Variants in DHX57 observed in about 807,000 individuals in gnomAD.
DHX57 encodes the protein putative ATP-dependent RNA helicase DHX57.
In DHX57, 105 loss-of-function variants were observed where a neutral mutation model predicts 156.2. That is an observed-to-expected ratio of 0.67 (90% CI 0.57 to 0.79). DHX57 has a LOEUF of 0.79. Among genes scored for constraint, DHX57 ranks in the 30% least tolerant of loss-of-function variants. The pLI is 0.00. For missense variants in DHX57, 1,847 were observed against 1,661.9 expected, an observed-to-expected ratio of 1.11 and a Z score of -1.94; for synonymous variants, 704 against 595.6, an observed-to-expected ratio of 1.18 and a Z score of -2.65.
In DHX57 at chr2:38,799,201, G is replaced by C. The variant is rs114582859; in HGVS notation, c.4018-759C>G. Among the ~76,000 whole-genome samples the C allele has an allele frequency of 8.2e-3, 1,240 of 150,966 alleles. 14 individuals are homozygous for C. Among genetic ancestry groups the C allele is most frequent in the African/African-American group, 0.029 (1,207 of 41,104 alleles). ...CAATGTGGAGAAACCCCGTCTCTTA[G>C]TACTAAAAGTACAAAATTAGCTGGG... On this transcript the variant is annotated intron_variant, in intron 23 of 23. Coordinates refer to ENST00000457308, the MANE Select transcript of DHX57 (RefSeq NM_198963.3).
At position 38,861,818 on chromosome 2, in the gene DHX57, G is replaced by A. The variant is rs747987837; in HGVS notation, c.592C>T (p.Arg198Cys). The change falls in exon 5 of 24, where the codon CGC becomes TGC. Residue 198 changes from arginine to cysteine, a missense_variant. By Grantham distance (180) the Arg-to-Cys change is radical (BLOSUM62 -3). Coordinates refer to ENST00000457308, the MANE Select transcript of DHX57 (RefSeq NM_198963.3). ...CACATCCTCAGGACCGCTTGACAGCGTTCAGTATTGAAACCATACCTGTCA... is the reference window on the plus strand; with the variant it reads ...CACATCCTCAGGACCGCTTGACAGCATTCAGTATTGAAACCATACCTGTCA... ...KLSRYGFNTE[R>C]CQAVLRMCDG... 31 of 1,608,086 alleles carry A rather than the reference G, an allele frequency of 1.9e-5. No individual in the cohort carries two copies. Among genetic ancestry groups the A allele is most frequent in the South Asian group, 6.7e-5 (6 of 90,190 alleles).
At chr2:38,868,090 T>C (rs1665169377) in intron 2 of DHX57, 92 bp downstream of exon 2, 2 of 1,484,442 alleles carry the variant, frequency 1.3e-6, no homozygotes, top group African/African-American at 2.8e-5. Flanking sequence ...CCAGAATTAC[T>C]CGACTTTTTT....
At chr2:38,869,599 T>A (rs563137715) in intron 1 of DHX57, among the ~76,000 whole-genome samples, 62 of 152,374 alleles carry the variant, frequency 4.1e-4, no homozygotes, top group African/African-American at 1.4e-3. Context: ...CCTAAAGCTG[T>A]ACCTCCCAGA....
chr2:38,859,994 T>C (rs776251581), intron 5 of DHX57, among the ~76,000 whole-genome samples: 1 of 151,844 alleles, frequency 6.6e-6, no homozygotes, highest in East Asian at 1.9e-4. Flanking sequence ...AAAATATATA[T>C]ATTTTCTAGA....
chr2:38,865,582 T>A (rs900013778), intron 2 of DHX57, among the ~76,000 whole-genome samples: 7 of 152,218 alleles, frequency 4.6e-5, no homozygotes, highest in Non-Finnish European at 8.8e-5. Context: ...TTTTGATACA[T>A]GCATACAATG....
At chr2:38,813,619 G>A (rs1360730607) in intron 21 of DHX57, among the ~76,000 whole-genome samples, 11 of 151,634 alleles carry the variant, frequency 7.3e-5, no homozygotes, top group Admixed American at 5.9e-4. Context: ...TGATCCGCCC[G>A]CCTCGGCCTC....
At position 38,868,281 on chromosome 2, in the gene DHX57, C is replaced by A; in HGVS notation, c.125G>T (p.Gly42Val). 1 of 1,613,850 alleles carries A rather than the reference C, an allele frequency of 6.2e-7. No individual in the cohort carries two copies. Among genetic ancestry groups the A allele is most frequent in the Non-Finnish European group, 8.5e-7 (1 of 1,179,916 alleles). The change falls in exon 2 of 24, where the codon GGT (glycine) becomes GTT (valine). Residue 42 changes from glycine to valine, a missense_variant. Coordinates refer to ENST00000457308, the MANE Select transcript of DHX57 (RefSeq NM_198963.3). ...KSHGSGGGGG[G>V]GGGGGGGNRK... ...GTTGCCGCCACCTCCACCACCACCACCACCGCCACCGCCACCACTCCCATG... is the reference window on the plus strand; with the variant it reads ...GTTGCCGCCACCTCCACCACCACCAACACCGCCACCGCCACCACTCCCATG...
At chr2:38,827,648 A>T (rs983772278) in intron 14 of DHX57, among the ~76,000 whole-genome samples, 1 of 150,582 alleles carries the variant, frequency 6.6e-6, no homozygotes, top group Non-Finnish European at 1.5e-5. Flanking sequence ...ATTTTAAGGG[A>T]GTGTTCGTTT....
chr2:38,843,980 T>C (rs1164797096), intron 11 of DHX57, among the ~76,000 whole-genome samples: 1 of 152,240 alleles, frequency 6.6e-6, no homozygotes, highest in East Asian at 1.9e-4. Context: ...ATTCTTGTTT[T>C]ATGTTTCATT....
intron 13 of DHX57, among the ~76,000 whole-genome samples, chr2:38,832,652 T>C (rs1380112824): frequency 2.0e-5 from 3 of 151,424 alleles, no homozygotes; most frequent in Admixed American, 6.6e-5. Context: ...TTCAAGCAAC[T>C]CTCCTGCCTC....
intron 22 of DHX57, 194 bp from the exon 23 acceptor site, chr2:38,803,109 C>T: frequency 1.7e-6 from 1 of 592,676 alleles, no homozygotes; most frequent in Non-Finnish European, 2.9e-6. Context: ...TAATACATAT[C>T]TCACACTTGT....
chr2:38,855,324 G>T, intron 7 of DHX57, 72 bp from the exon 8 acceptor site: 1 of 1,468,204 alleles, frequency 6.8e-7, no homozygotes, highest in Non-Finnish European at 9.5e-7. Context: ...CAATCATATG[G>T]AATGAGAAAA....
rs1277510362 is a variant in DHX57, at chr2:38,818,894, A to T, written c.3454T>A (p.Ser1152Thr). The change falls in exon 19 of 24, where the codon TCT (serine) becomes ACT (threonine). Residue 1152 changes from serine (S) to threonine (T), a missense_variant. By Grantham distance (58) the Ser-to-Thr change is moderately conservative (BLOSUM62 1). Coordinates refer to ENST00000457308, the MANE Select transcript of DHX57 (RefSeq NM_198963.3). ...CAACTCACCTGCAGAACTCTTCCAG[A>T]CAAGAAGTTTTGTCTGCAGTAATTA... ...SYNYCRQNFL[S>T]GRVLQEMASL... 1 of 1,614,084 alleles carries T rather than the reference A, an allele frequency of 6.2e-7. No individual in the cohort carries two copies. Among genetic ancestry groups the T allele is most frequent in the Admixed American group, 1.7e-5 (1 of 60,000 alleles).
At chr2:38,818,265 A>G (rs528903245) in intron 19 of DHX57, among the ~76,000 whole-genome samples, 5 of 152,132 alleles carry the variant, frequency 3.3e-5, no homozygotes, top group Admixed American at 2.6e-4. Context: ...GGTGTCTCAC[A>G]CCTGTAATCC....
intron 22 of DHX57, among the ~76,000 whole-genome samples, chr2:38,804,777 TTCTC>T (rs1474262323): frequency 2.0e-5 from 3 of 152,142 alleles, no homozygotes; most frequent in Non-Finnish European, 4.4e-5. Context: ...TGTTTCTCCT[TTCTC>T]TCTATCTGCA....
intron 13 of DHX57, among the ~76,000 whole-genome samples, chr2:38,831,768 A>G (rs1449972365): frequency 6.6e-6 from 1 of 151,698 alleles, no homozygotes; most frequent in Non-Finnish European, 1.5e-5. Flanking sequence ...GAGGCAGGAG[A>G]ATCACTTGAA....
In DHX57 at chr2:38,864,735, A is replaced by T. The variant is rs551455595; in HGVS notation, c.225-1216T>A. ...AGTGCACATCTCCCTGTAGCTACTG[A>T]CCCATCTCTCCTCCCTCTAGCTCCC... On this transcript the variant is annotated intron_variant, in intron 2 of 23. Coordinates refer to ENST00000457308, the MANE Select transcript of DHX57 (RefSeq NM_198963.3). Among the ~76,000 whole-genome samples the T allele has an allele frequency of 1.1e-3, 171 of 152,242 alleles. 1 individual carries two copies. The highest frequency in any genetic ancestry group is 4.1e-3 in the African/African-American group (169 of 41,560).
intron 14 of DHX57, among the ~76,000 whole-genome samples, 163 bp from the exon 15 acceptor site, chr2:38,826,852 C>G (rs1002636516): frequency 6.6e-6 from 1 of 152,184 alleles, no homozygotes; most frequent in African/African-American, 2.4e-5. Flanking sequence ...AAGTCTTGGC[C>G]GGGTACGGTG....
At chr2:38,816,322 C>T (rs992285700) in intron 19 of DHX57, 4 of 440,530 alleles carry the variant, frequency 9.1e-6, no homozygotes, top group African/African-American at 6.1e-5. Flanking sequence ...TCAAGTGATT[C>T]TCTTGCCTTA....
Sources: gnomAD v4.1 joint callset for allele counts (sites outside exome capture counted in the v4.1 genomes callset) on GRCh38, gnomAD v4.1.1 for gene constraint, MANE v1.5 for transcripts, NCBI Gene and HGNC (gene_info 2026-07-23, HGNC 2026-07-21) for gene names.